DDX50: variants seen among roughly 807,000 people sequenced by gnomAD.
The protein encoded by DDX50 is DExD-box helicase 50, also known as ATP-dependent RNA helicase DDX50.
A neutral mutation model predicts 94.8 loss-of-function variants in DDX50; 56 were observed. That is an observed-to-expected ratio of 0.59 (90% confidence interval 0.48 to 0.74). DDX50 has a LOEUF of 0.74. DDX50 is among the 30% of genes least tolerant of loss of function. DDX50 has a pLI of 0.00. For synonymous variants in DDX50, 264 were observed against 295.4 expected (o/e 0.89, Z 1.09); for missense variants, 713 against 881.2 (o/e 0.81, Z 2.42).
In DDX50 at chr10:68,911,189, C is replaced by T. The variant is rs1242737033; in HGVS notation, c.582C>T (p.Pro194=). Residue 194 remains proline (P), a synonymous_variant, in exon 4 of 15, where the codon CCC becomes CCT. Coordinates refer to ENST00000373585, the MANE Select transcript of DDX50 (RefSeq NM_024045.2). ...GAAAGACATTCTCTTTTGCCATCCCCTTAATTGAAAGACTCCAAAGAAATC... is the reference window on the plus strand; with the variant it reads ...GAAAGACATTCTCTTTTGCCATCCCTTTAATTGAAAGACTCCAAAGAAATC... The part of the protein sequence containing the change: ...GTGKTFSFAI[P]LIERLQRNQE... 1 of 1,611,274 alleles carries T rather than the reference C, an allele frequency of 6.2e-7. No homozygotes were observed. Among genetic ancestry groups the T allele is most frequent in the Non-Finnish European group, 8.5e-7 (1 of 1,179,046 alleles).
intron 8 of DDX50, among the ~76,000 whole-genome samples, chr10:68,924,262 G>GT (rs1322970518): frequency 6.6e-6 from 1 of 151,928 alleles, no homozygotes; most frequent in African/African-American, 2.4e-5. Context: ...ATGAGCCACC[G>GT]TGTCTGCCAA....
rs545614581 is a variant in DDX50 at position 68,912,511 on chromosome 10, G to GC, written c.640-647dup. Among the ~76,000 whole-genome samples the GC allele has an allele frequency of 3.1e-3, 467 of 152,252 alleles. 3 individuals carry two copies. Among genetic ancestry groups the GC allele is most frequent in the African/African-American group, 0.011 (442 of 41,554 alleles). On this transcript the variant is annotated intron_variant, in intron 4 of 14. Transcript: ENST00000373585. ...TTACAGGTGTGAGCCTCCACGCCTG[G>GC]CCCCAAAGCTGCCTTAAAAAGCTTT...
At chr10:68,933,934 TAA>T (rs202073299) in intron 8 of DDX50, among the ~76,000 whole-genome samples, 12 of 135,798 alleles carry the variant, frequency 8.8e-5, no homozygotes, top group East Asian at 2.1e-4. Context: ...AAACTCTGTC[TAA>T]AAAAAAAAAA....
intron 1 of DDX50, among the ~76,000 whole-genome samples, chr10:68,904,607 C>T (rs184343144): frequency 1.6e-4 from 24 of 152,210 alleles, no homozygotes; most frequent in African/African-American, 5.3e-4. Flanking sequence ...ACCAAGTAGA[C>T]GGAGAGTGCC....
chr10:68,925,230 A>G (rs1187696707), intron 8 of DDX50, among the ~76,000 whole-genome samples: 2 of 151,010 alleles, frequency 1.3e-5, no homozygotes, highest in Non-Finnish European at 2.9e-5. Flanking sequence ...GAGTCTCCCA[A>G]GTAGCTGGGA....
chr10:68,915,679 G>A (rs1841766368), intron 7 of DDX50, among the ~76,000 whole-genome samples: 1 of 149,818 alleles, frequency 6.7e-6, no homozygotes, highest in African/African-American at 2.5e-5. Context: ...TCGTGCCACT[G>A]CACTCCAGTC....
chr10:68,902,626 C>T (rs1841325809), intron 1 of DDX50, among the ~76,000 whole-genome samples: 1 of 152,144 alleles, frequency 6.6e-6, no homozygotes, highest in South Asian at 2.1e-4. Context: ...CTTCTCATTC[C>T]TCTCTCCTTC....
At chr10:68,929,304 T>A (rs1274198459) in intron 8 of DDX50, among the ~76,000 whole-genome samples, 1 of 105,726 alleles carries the variant, frequency 9.5e-6, no homozygotes, top group Non-Finnish European at 2.1e-5. Context: ...TCTCTCTCTC[T>A]CTCTCTCTCT....
chr10:68,926,053 C>G (rs1381655542), intron 8 of DDX50, among the ~76,000 whole-genome samples: 2 of 144,444 alleles, frequency 1.4e-5, no homozygotes, highest in Non-Finnish European at 3.0e-5. Context: ...TGGCACGTTC[C>G]TGTATTCCTG....
At chr10:68,938,560 T>C (rs1397641540) in intron 12 of DDX50, among the ~76,000 whole-genome samples, 4 of 152,094 alleles carry the variant, frequency 2.6e-5, no homozygotes, top group African/African-American at 7.2e-5. Context: ...ACAGACTAAT[T>C]TGGGCAGCAC....
At chr10:68,932,958 C>T (rs1418373624) in intron 8 of DDX50, among the ~76,000 whole-genome samples, 1 of 151,742 alleles carries the variant, frequency 6.6e-6, no homozygotes, top group Non-Finnish European at 1.5e-5. Flanking sequence ...AATTTTTGAC[C>T]CAGAAATTCA....
At chr10:68,937,411 A>G (rs1301383114) in intron 12 of DDX50, among the ~76,000 whole-genome samples, 1 of 151,846 alleles carries the variant, frequency 6.6e-6, no homozygotes, top group Non-Finnish European at 1.5e-5. Context: ...AAAAAAAATG[A>G]CATGTAATAA....
At chr10:68,932,506 CACG>C (rs1367113485) in intron 8 of DDX50, among the ~76,000 whole-genome samples, 8 of 152,042 alleles carry the variant, frequency 5.3e-5, no homozygotes, top group African/African-American at 1.9e-4. Context: ...GTGATCCACC[CACG>C]TCAGCCTCCC....
At chr10:68,928,574 A>T (rs774499698) in intron 8 of DDX50, among the ~76,000 whole-genome samples, 1 of 152,152 alleles carries the variant, frequency 6.6e-6, no homozygotes, top group Non-Finnish European at 1.5e-5. Flanking sequence ...TGAAGCAAGG[A>T]GTCAATTAGT....
chr10:68,924,871 A>G (rs10823272), intron 8 of DDX50, among the ~76,000 whole-genome samples: 21,861 of 152,008 alleles, frequency 0.14, 2,261 homozygotes, highest in East Asian at 0.51. Flanking sequence ...GCTTGCTCCA[A>G]TCCCTGCAGA....
intron 1 of DDX50, among the ~76,000 whole-genome samples, chr10:68,902,612 C>T (rs771707433): frequency 2.0e-5 from 3 of 152,198 alleles, no homozygotes; most frequent in Non-Finnish European, 4.4e-5. Context: ...CCATTAAACA[C>T]TCACTTCTCA....
rs112345486 is a variant in DDX50, at chr10:68,911,453, A to G, written c.639+207A>G. Among the ~76,000 whole-genome samples, 388 of 152,354 alleles carry G rather than the reference A, an allele frequency of 2.5e-3. 1 individual carries two copies. The highest frequency in any genetic ancestry group is 8.4e-3 in the African/African-American group (350 of 41,586). On this transcript the variant is annotated intron_variant, in intron 4 of 14. Transcript: ENST00000373585. ...ATATGAATGTGATGTGTATGGATCCATAGATGTCTTTGATAATTTCATGAA... is the reference window on the plus strand; with the variant it reads ...ATATGAATGTGATGTGTATGGATCCGTAGATGTCTTTGATAATTTCATGAA...
chr10:68,912,143 T>G (rs986246331), intron 4 of DDX50, among the ~76,000 whole-genome samples: 1 of 152,110 alleles, frequency 6.6e-6, no homozygotes, highest in African/African-American at 2.4e-5. Flanking sequence ...GTTTTTCGGG[T>G]GAAATTAGGA....
chr10:68,946,750 G>A lies in DDX50; in HGVS notation c.*120G>A. ...GTGTCTGCTATTTGCAAAGAAGTTG[G>A]TCGTATTTTTTTAAAAAGTATTTCA... On this transcript the variant is annotated 3_prime_UTR_variant, in exon 15 of 15. Coordinates refer to ENST00000373585, the MANE Select transcript of DDX50 (RefSeq NM_024045.2). The A allele has an allele frequency of 7.6e-7, 1 of 1,320,736 alleles. No individual in the cohort carries two copies. Among genetic ancestry groups the A allele is most frequent in the Non-Finnish European group, 1.0e-6 (1 of 975,284 alleles). 81.8% of individuals were successfully genotyped at this position (1,320,736 alleles called of 1,614,324 possible).
Sources: gnomAD v4.1 joint callset for allele counts (sites outside exome capture counted in the v4.1 genomes callset) on GRCh38, gnomAD v4.1.1 for gene constraint, MANE v1.5 for transcripts, NCBI Gene and HGNC (gene_info 2026-07-23, HGNC 2026-07-21) for gene names.